TICRR: variants seen among roughly 807,000 people sequenced by gnomAD.
The protein encoded by TICRR is TOPBP1 interacting checkpoint and replication regulator.
In TICRR, 132 loss-of-function variants were observed where a neutral mutation model predicts 178.1. The ratio of observed to expected loss-of-function variants is 0.74; its 90% CI spans 0.64 to 0.86. The LOEUF (loss-of-function observed/expected upper bound fraction) is 0.86. TICRR is among the 40% of genes least tolerant of loss of function. The probability of loss-of-function intolerance (pLI) is 0.00; values close to 1 mark genes in which losing one functional copy is unlikely to be tolerated. For missense variants in TICRR, 2,587 were observed against 2,334.3 expected, an observed-to-expected ratio of 1.11 and a Z score of -2.23; for synonymous variants, 991 against 900.7, an observed-to-expected ratio of 1.10 and a Z score of -1.79.
At chr15:89,586,261 C>G (rs1962821738) in intron 4 of TICRR, among the ~76,000 whole-genome samples, 1 of 152,068 alleles carries the variant, frequency 6.6e-6, no homozygotes, top group Non-Finnish European at 1.5e-5. Flanking sequence ...CAACTAAATG[C>G]ATTGTTACTA....
intron 21 of TICRR, 60 bp from the exon 22 acceptor site, chr15:89,626,896 A>AT (rs888105179): frequency 6.3e-6 from 10 of 1,580,976 alleles, no homozygotes; most frequent in African/African-American, 1.4e-5. Flanking sequence ...ATTTAAGCCA[A>AT]TTTTTTTCAG....
chr15:89,579,744 G>T lies in TICRR; in HGVS notation c.655-2942G>T, dbSNP rs968317283. 5 of 152,182 alleles carry T rather than the reference G, an allele frequency of 3.3e-5. No homozygotes were observed. The East Asian group carries it at 9.6e-4, about 29-fold the overall frequency. 9.4% of individuals were successfully genotyped at this position (152,182 alleles called of 1,614,324 possible). ...GTGGCTTTATAAAAAGAGGAAGAAA[G>T]TGTTGAGCTCACTTGCTGAGCCTCA... On this transcript the variant is annotated intron_variant, in intron 1 of 21. Transcript: ENST00000268138.
In TICRR at chr15:89,624,759, A is replaced by C. The variant is rs373826766; in HGVS notation, c.4449A>C (p.Leu1483Phe). Reference protein sequence around the residue: ...HGIGDLKSNVLSVEEGEGLRT... With the variant: ...HGIGDLKSNVFSVEEGEGLRT... Reference sequence around the variant, plus strand: ...TTGGTGACTTGAAAAGTAACGTCTTATCAGTGGAAGAGGGTGAGGGGCTAA... The same window carrying C: ...TTGGTGACTTGAAAAGTAACGTCTTCTCAGTGGAAGAGGGTGAGGGGCTAA... Residue 1483 changes from leucine to phenylalanine, a missense_variant, in exon 20 of 22, where the codon TTA becomes TTC. Leu to Phe is a conservative substitution (Grantham distance 22). Transcript: ENST00000268138. 33 of 1,614,106 alleles carry C rather than the reference A, an allele frequency of 2.0e-5. No homozygotes were observed. Among genetic ancestry groups the C allele is most frequent in the Non-Finnish European group, 2.7e-5 (32 of 1,180,048 alleles).
Position 89,576,008 on chromosome 15 carries a change from A to C in TICRR, c.422A>C (p.Lys141Thr). 1.9e-6 allele frequency: 3 copies of C among 1,608,230 alleles called. No homozygotes were observed. Among genetic ancestry groups the C allele is most frequent in the Non-Finnish European group, 2.5e-6 (3 of 1,178,286 alleles). The change falls in exon 1 of 22, where the codon AAG (lysine) becomes ACG (threonine). Residue 141 changes from lysine to threonine, a missense_variant. Coordinates refer to ENST00000268138, the MANE Select transcript of TICRR (RefSeq NM_152259.4). Reference sequence around the variant, plus strand: ...CTGCTGGACGTGGAGAGCGAGGCCAAGGAGGCCGAGGCCGCGCTCGGGGGC... The same window carrying C: ...CTGCTGGACGTGGAGAGCGAGGCCACGGAGGCCGAGGCCGCGCTCGGGGGC... ...RRLLDVESEA[K>T]EAEAALGGLV... is the part of the protein sequence containing the mutation.
intron 5 of TICRR, among the ~76,000 whole-genome samples, chr15:89,593,446 C>T (rs912564196): frequency 2.0e-5 from 3 of 152,054 alleles, no homozygotes; most frequent in Non-Finnish European, 4.4e-5. Context: ...GGCTCACACC[C>T]GTAACCCCAG....
At chr15:89,623,501 C>T in intron 19 of TICRR, 122 bp from the exon 20 acceptor site, 1 of 1,046,912 alleles carries the variant, frequency 9.6e-7, no homozygotes, top group Non-Finnish European at 1.4e-6. Flanking sequence ...TTGAGATTTC[C>T]ATCTTTAGAT....
intron 17 of TICRR, among the ~76,000 whole-genome samples, chr15:89,619,232 T>C (rs988640480): frequency 6.8e-6 from 1 of 146,374 alleles, no homozygotes; most frequent in Non-Finnish European, 1.5e-5. Flanking sequence ...TTTTTTTTTT[T>C]TTTTTTTTGG....
intron 4 of TICRR, among the ~76,000 whole-genome samples, chr15:89,587,739 G>A (rs1962845874): frequency 6.6e-6 from 1 of 152,180 alleles, no homozygotes; most frequent in South Asian, 2.1e-4. Flanking sequence ...GTGGAATTGT[G>A]AGGGTAGAAG....
At chr15:89,586,022 G>T (rs1962817345) in intron 4 of TICRR, 80 bp downstream of exon 4, 1 of 1,012,156 alleles carries the variant, frequency 9.9e-7, no homozygotes, top group Non-Finnish European at 1.5e-6. Flanking sequence ...TCACTGTGCA[G>T]TTAGTAGAAC....
chr15:89,626,038 CCT>C lies in TICRR; in HGVS notation c.5583_5584del (p.Gln1862GlufsTer7), dbSNP rs2141986974. On this transcript the variant is annotated frameshift_variant, in exon 21 of 22. Transcript: ENST00000268138. LOFTEE classifies it low-confidence loss of function (END_TRUNC). Reference sequence around the variant, plus strand: ...CTGCTGTTCCAGGGGAAAACACCTTCCTCTCAGAGCAAAGACCCCAGAGGTAA... The same window carrying C: ...CTGCTGTTCCAGGGGAAAACACCTTCCTCAGAGCAAAGACCCCAGAGGTAA... The C allele has an allele frequency of 6.2e-7, 1 of 1,613,972 alleles. No homozygotes were observed. Among genetic ancestry groups the C allele is most frequent in the East Asian group, 2.2e-5 (1 of 44,880 alleles).
intron 1 of TICRR, among the ~76,000 whole-genome samples, chr15:89,578,300 ATAT>A (rs1962661078): frequency 6.6e-6 from 1 of 152,228 alleles, no homozygotes; most frequent in Non-Finnish European, 1.5e-5. Context: ...TTAAATAATA[ATAT>A]GGTATGTTAA....
rs1962813551 is a variant in TICRR at position 89,585,860 on chromosome 15, G to A, written c.1329G>A (p.Arg443=). 2 of 1,614,106 alleles carry A rather than the reference G, an allele frequency of 1.2e-6. No individual in the cohort carries two copies. Among genetic ancestry groups the A allele is most frequent in the African/African-American group, 1.3e-5 (1 of 75,010 alleles). The change falls in exon 4 of 22, where the codon CGG becomes CGA. Residue 443 remains arginine (R), a synonymous_variant. Coordinates refer to ENST00000268138, the MANE Select transcript of TICRR (RefSeq NM_152259.4). ...AAACAGCTGTGGCTGACAGCCCCCGGGACACAGCTTCCCTTTTCTCAGATG... is the reference window on the plus strand; with the variant it reads ...AAACAGCTGTGGCTGACAGCCCCCGAGACACAGCTTCCCTTTTCTCAGATG... The part of the protein sequence containing the change: ...VLQTAVADSP[R]DTASLFSDVV...
chr15:89,593,778 A>ATCTGT (rs1353078826), intron 5 of TICRR, among the ~76,000 whole-genome samples: 32 of 152,344 alleles, frequency 2.1e-4, no homozygotes, highest in African/African-American at 7.0e-4. Flanking sequence ...ACCCTGTGAT[A>ATCTGT]TCTGTTCAAC....
rs182137560 is a variant in TICRR at position 89,583,636 on chromosome 15, G to T, written c.935-650G>T. On this transcript the variant is annotated intron_variant, in intron 2 of 21. Coordinates refer to ENST00000268138, the MANE Select transcript of TICRR (RefSeq NM_152259.4). Reference sequence around the variant, plus strand: ...ACTGTACTTTATGGATTTAAGAAGTGGTGTCTTCTTTCTTATAAGTAGTAA... The same window carrying T: ...ACTGTACTTTATGGATTTAAGAAGTTGTGTCTTCTTTCTTATAAGTAGTAA... 1.3e-4 allele frequency among the ~76,000 whole-genome samples: 20 copies of T among 152,042 alleles called. No individual in the cohort carries two copies. In the East Asian group the frequency reaches 3.7e-3, roughly 28 times the overall value.
chr15:89,583,106 C>A (rs1962759725), intron 2 of TICRR, 141 bp downstream of exon 2: 1 of 927,546 alleles, frequency 1.1e-6, no homozygotes, highest in Admixed American at 3.0e-5. Context: ...TAAAAGACAT[C>A]AAGGCAAAAT....
At chr15:89,606,961 C>G in intron 14 of TICRR, 136 bp downstream of exon 14, 1 of 627,418 alleles carries the variant, frequency 1.6e-6, no homozygotes. Context: ...TGTCCAAATA[C>G]CATGGACATA....
At chr15:89,599,195 AT>A in intron 7 of TICRR, 128 bp from the exon 8 acceptor site, 1 of 599,412 alleles carries the variant, frequency 1.7e-6, no homozygotes, top group Non-Finnish European at 2.6e-6. Context: ...ACCATCAGTC[AT>A]GACAATCCAG....
intron 13 of TICRR, among the ~76,000 whole-genome samples, chr15:89,603,138 A>G (rs1819508115): frequency 1.3e-5 from 2 of 152,218 alleles, no homozygotes; most frequent in Non-Finnish European, 2.9e-5. Context: ...GGAATGAATT[A>G]ATTCAAAATC....
In TICRR at chr15:89,627,048, C is replaced by G. The variant is rs962028959; in HGVS notation, c.5695C>G (p.Arg1899Gly). 3.1e-6 allele frequency: 5 copies of G among 1,614,126 alleles called. No individual in the cohort carries two copies. The highest frequency in any genetic ancestry group is 4.2e-6 in the Non-Finnish European group (5 of 1,180,040). The change falls in exon 22 of 22, where the codon CGG becomes GGG. Residue 1899 changes from arginine to glycine, a missense_variant. Arg to Gly is a moderately radical substitution (Grantham distance 125, BLOSUM62 -2). Coordinates refer to ENST00000268138, the MANE Select transcript of TICRR (RefSeq NM_152259.4). ...GCGCCCCATCAGCAGAACTTATACA[C>G]GGAAGAAGCTCATGGGAACCTGGCT... ...RRRPISRTYTRKKLMGTWLED... is the reference protein window; with the variant it reads ...RRRPISRTYTGKKLMGTWLED...
Sources: gnomAD v4.1 joint callset for allele counts (sites outside exome capture counted in the v4.1 genomes callset) on GRCh38, gnomAD v4.1.1 for gene constraint, MANE v1.5 for transcripts, NCBI Gene and HGNC (gene_info 2026-07-23, HGNC 2026-07-21) for gene names.